SLC35E4: variants seen among roughly 807,000 people sequenced by gnomAD.
SLC35E4 encodes the protein solute carrier family 35, member E4.
SLC35E4 carries 15 observed loss-of-function variants against 19.3 expected under a neutral mutation model. The observed-to-expected ratio is 0.78, with a 90% CI of 0.52 to 1.20. The LOEUF (loss-of-function observed/expected upper bound fraction) is 1.20, where lower values mean the gene tolerates loss of function less well. Among genes scored for constraint, SLC35E4 ranks in the 50% most tolerant of loss-of-function variants. The probability of loss-of-function intolerance (pLI) is 0.00; values close to 1 mark genes in which losing one functional copy is unlikely to be tolerated. For synonymous variants in SLC35E4, 219 were observed against 219.9 expected, an observed-to-expected ratio of 1.00 and a Z score of 0.04; for missense variants, 406 against 472.3, an observed-to-expected ratio of 0.86 and a Z score of 1.30.
chr22:30,639,235 C>A (rs2087997445), intron 1 of SLC35E4, among the ~76,000 whole-genome samples: 1 of 152,082 alleles, frequency 6.6e-6, no homozygotes, highest in Admixed American at 6.6e-5. Flanking sequence ...AGCCATAAAA[C>A]CAGCAAGTTT....
At chr22:30,648,654 C>T (rs577424249), downstream of SLC35E4, among the ~76,000 whole-genome samples, 62 of 152,254 alleles carry the variant, frequency 4.1e-4, 1 homozygote, top group Middle Eastern at 3.4e-3. Context: ...CGCTGGAACC[C>T]AGGAGGCAGA....
intron 2 of SLC35E4, among the ~76,000 whole-genome samples, chr22:30,657,926 A>ATAC (rs1260229765): frequency 1.0e-3 from 148 of 146,082 alleles, no homozygotes; most frequent in Non-Finnish European, 1.8e-3. Context: ...AATAATAATA[A>ATAC]TAATAATAAT....
chr22:30,636,506 G>A lies in SLC35E4; in HGVS notation c.56G>A (p.Gly19Glu), dbSNP rs1401568192. 3.2e-6 allele frequency: 5 copies of A among 1,541,354 alleles called. No homozygotes were observed. Among genetic ancestry groups the A allele is most frequent in the Non-Finnish European group, 4.4e-6 (5 of 1,140,534 alleles). Residue 19 changes from glycine (G) to glutamate (E), a missense_variant, in exon 1 of 2, where the codon GGA becomes GAA. Gly to Glu is a moderately conservative substitution (Grantham distance 98, BLOSUM62 -2). Transcript: ENST00000343605. The stretch of plus-strand genomic sequence containing the variant: ...GGCAGGATGACCTCAGCCGAAGTAG[G>A]AGCAGCAGCTGGTGGTGCTCAGGCG... Reference protein sequence around the residue: ...HDGRMTSAEVGAAAGGAQAAG... With the variant: ...HDGRMTSAEVEAAAGGAQAAG...
intron 1 of SLC35E4, among the ~76,000 whole-genome samples, chr22:30,645,806 CTG>C: frequency 6.7e-6 from 1 of 148,844 alleles, no homozygotes. Flanking sequence ...GCATAAGCCA[CTG>C]TACCTGACCG....
At chr22:30,638,407 CAGG>C (rs1221899856) in intron 1 of SLC35E4, among the ~76,000 whole-genome samples, 1 of 146,206 alleles carries the variant, frequency 6.8e-6, no homozygotes, top group Non-Finnish European at 1.5e-5. Flanking sequence ...GAGGCTGAGG[CAGG>C]AGAATAGCTT....
Position 30,637,003 on chromosome 22 carries a change from C to A in SLC35E4, c.553C>A (p.Pro185Thr), listed in dbSNP as rs747089164. The A allele has an allele frequency of 6.2e-7, 1 of 1,604,522 alleles. No homozygotes were observed. The highest frequency in any genetic ancestry group is 1.1e-5 in the South Asian group (1 of 90,768). ...ACSLAGEFRT[P>T]PTGCGFLLAA... ...CAGCCTGGCTGGAGAGTTCCGGACA[C>A]CCCCTACCGGCTGTGGCTTCCTGCT... is the stretch of plus-strand genomic sequence containing the variant. Residue 185 changes from proline to threonine, a missense_variant, in exon 1 of 2, where the codon CCC (proline) becomes ACC (threonine). Pro to Thr is a conservative substitution (Grantham distance 38). Coordinates refer to ENST00000343605, the MANE Select transcript of SLC35E4 (RefSeq NM_001001479.4).
Position 30,636,266 on chromosome 22 carries a change from A to T in SLC35E4, c.-185A>T. 6.8e-6 allele frequency: 6 copies of T among 882,652 alleles called. No homozygotes were observed. The highest frequency in any genetic ancestry group is 9.8e-6 in the Non-Finnish European group (6 of 613,838). 54.7% of individuals were successfully genotyped at this position (882,652 alleles called of 1,614,324 possible). A position where few individuals can be genotyped will look rare whatever the true frequency, so the allele number is the denominator to read the frequency against. ...TTGGCTCTGCCCTGTCTGAGCTGGAAACACAGCTTAGCTTCTAGACATCGC... is the reference window on the plus strand; with the variant it reads ...TTGGCTCTGCCCTGTCTGAGCTGGATACACAGCTTAGCTTCTAGACATCGC... On this transcript the variant is annotated 5_prime_UTR_variant, in exon 1 of 2. Transcript: ENST00000343605.
At chr22:30,661,678 G>A (rs938122936) in intron 2 of SLC35E4, 4 of 152,172 alleles carry the variant, frequency 2.6e-5, no homozygotes, top group Admixed American at 1.3e-4. Context: ...CTGTGCTTTT[G>A]TTTCAAATGC....
At chr22:30,663,774 G>C (rs1317713148), downstream of SLC35E4, 1 of 1,614,092 alleles carries the variant, frequency 6.2e-7, no homozygotes, top group Non-Finnish European at 8.5e-7. Flanking sequence ...ACAGAGACGT[G>C]AGTTAGGGGA....
downstream of SLC35E4, chr22:30,665,457 C>A (rs755744116): frequency 1.1e-5 from 5 of 463,652 alleles, no homozygotes; most frequent in South Asian, 7.9e-5. Context: ...TTTGCCCCTG[C>A]TGATCTCTCA....
At chr22:30,644,819 C>T (rs1249112001) in intron 1 of SLC35E4, among the ~76,000 whole-genome samples, 2 of 152,112 alleles carry the variant, frequency 1.3e-5, no homozygotes, top group South Asian at 2.1e-4. Context: ...TTCGCCTGGG[C>T]ACCCCTTTGT....
chr22:30,663,530 C>G (rs1415042369), downstream of SLC35E4: 8 of 1,614,178 alleles, frequency 5.0e-6, no homozygotes, highest in South Asian at 8.8e-5. Context: ...TCTTGCCAAA[C>G]AATTGGAACT....
In SLC35E4 at chr22:30,646,877, G is replaced by A. The variant is rs373949868; in HGVS notation, c.899G>A (p.Arg300Gln). Reference protein sequence around the residue: ...LTVVGNLILSRLLFGSRLSAL... With the variant: ...LTVVGNLILSQLLFGSRLSAL... ...GTGGTGGGCAACCTCATCCTGTCCC[G>A]GCTGTTGTTTGGCAGCCGCCTCAGT... The change falls in exon 2 of 2, where the codon CGG (arginine) becomes CAG (glutamine). Residue 300 changes from arginine (R) to glutamine (Q), a missense_variant. Arg to Gln is a conservative substitution (Grantham distance 43). Coordinates refer to ENST00000343605, the MANE Select transcript of SLC35E4 (RefSeq NM_001001479.4). The A allele has an allele frequency of 1.7e-5, 28 of 1,614,222 alleles. No individual in the cohort carries two copies. Among genetic ancestry groups the A allele is most frequent in the East Asian group, 4.5e-5 (2 of 44,884 alleles).
At chr22:30,655,928 CTTAGGACTTT>C (rs1479413174) in intron 2 of SLC35E4, among the ~76,000 whole-genome samples, 1 of 148,086 alleles carries the variant, frequency 6.8e-6, no homozygotes, top group Non-Finnish European at 1.5e-5. Flanking sequence ...GTAATGGATT[CTTAGGACTTT>C]TTTTTTTCTT....
rs1225655518 is a variant in SLC35E4, at chr22:30,636,757, C to T, written c.307C>T (p.Pro103Ser). ...ACHRGARRPM[P>S]GGTRCRVLLL... ...CCACCGGGGGGCACGGCGCCCCATG[C>T]CAGGCGGCACTCGCTGCCGAGTCCT... The change falls in exon 1 of 2, where the codon CCA (proline) becomes TCA (serine). Residue 103 changes from proline (P) to serine (S), a missense_variant. By Grantham distance (74) the Pro-to-Ser change is moderately conservative (BLOSUM62 -1). Transcript: ENST00000343605. 1 of 1,612,130 alleles carries T rather than the reference C, an allele frequency of 6.2e-7. No homozygotes were observed. The highest frequency in any genetic ancestry group is 2.2e-5 in the East Asian group (1 of 44,860).
At chr22:30,645,087 A>C (rs1405612089) in intron 1 of SLC35E4, among the ~76,000 whole-genome samples, 1 of 152,186 alleles carries the variant, frequency 6.6e-6, no homozygotes, top group Non-Finnish European at 1.5e-5. Flanking sequence ...GAATGAGGCA[A>C]TGAATGGGTC....
chr22:30,648,918 G>C (rs2088172645), downstream of SLC35E4, among the ~76,000 whole-genome samples: 1 of 152,150 alleles, frequency 6.6e-6, no homozygotes, highest in Admixed American at 6.6e-5. Context: ...AGGGGAGCAG[G>C]GCTCCCATGT....
chr22:30,642,022 C>CTTGT (rs778185534), intron 1 of SLC35E4, among the ~76,000 whole-genome samples: 3 of 151,524 alleles, frequency 2.0e-5, no homozygotes, highest in African/African-American at 4.8e-5. Flanking sequence ...GCTTTTTTTG[C>CTTGT]TTGTTTGTTT....
downstream of SLC35E4, among the ~76,000 whole-genome samples, chr22:30,651,371 T>TG (rs1555899347): frequency 3.4e-4 from 14 of 41,224 alleles, no homozygotes; most frequent in East Asian, 7.7e-3. Flanking sequence ...TGGCTAATTT[T>TG]TGTGTGTGTG....
Sources: allele counts gnomAD v4.1 joint callset (sites outside exome capture counted in the v4.1 genomes callset), GRCh38; gene constraint gnomAD v4.1.1; transcripts MANE v1.5; gene names NCBI Gene and HGNC (gene_info 2026-07-23, HGNC 2026-07-21).